CCSER1: variants seen among roughly 807,000 people sequenced by gnomAD.
CCSER1 encodes the protein coiled-coil serine rich protein 1, also known as serine-rich coiled-coil domain-containing protein 1.
Under a neutral mutation model 82.0 loss-of-function variants are expected in CCSER1, and 41 were observed. That is an observed-to-expected ratio of 0.50 (90% CI 0.39 to 0.65). The LOEUF (loss-of-function observed/expected upper bound fraction) is 0.65, where lower values mean the gene tolerates loss of function less well. Ranked by LOEUF, CCSER1 falls within the 30% of genes least tolerant of loss-of-function variation. CCSER1 has a pLI of 0.00. For synonymous variants in CCSER1, 414 were observed against 383.9 expected (o/e 1.08, Z -0.92); for missense variants, 1,119 against 1,064.2 (o/e 1.05, Z -0.72).
chr4:90,245,033 G>C (rs1203557483), intron 1 of CCSER1, among the ~76,000 whole-genome samples: 1 of 152,028 alleles, frequency 6.6e-6, no homozygotes, highest in African/African-American at 2.4e-5. Context: ...TTCATGTAAG[G>C]TTTTTATGAG....
chr4:90,780,683 C>A, intron 7 of CCSER1: 1 of 1,323,930 alleles, frequency 7.6e-7, no homozygotes, highest in Non-Finnish European at 9.6e-7. Context: ...TAAGGAGGCT[C>A]TGTAAGCAAG....
At chr4:90,819,117 G>C (rs151211702) in intron 8 of CCSER1, among the ~76,000 whole-genome samples, 1 of 152,018 alleles carries the variant, frequency 6.6e-6, no homozygotes, top group Non-Finnish European at 1.5e-5. Flanking sequence ...CCATCTTTTC[G>C]GTATGTGCTC....
At chr4:91,506,954 C>T (rs1759527787) in intron 10 of CCSER1, among the ~76,000 whole-genome samples, 1 of 152,154 alleles carries the variant, frequency 6.6e-6, no homozygotes, top group East Asian at 1.9e-4. Context: ...CATATTGTAG[C>T]ATGTATCAAT....
intron 5 of CCSER1, among the ~76,000 whole-genome samples, chr4:90,501,049 T>G (rs1273012226): frequency 6.6e-6 from 1 of 152,086 alleles, no homozygotes. Flanking sequence ...GTGTTTTCAC[T>G]CTTGTCATTT....
chr4:90,288,849 A>G (rs1730404924), intron 1 of CCSER1, among the ~76,000 whole-genome samples: 1 of 151,990 alleles, frequency 6.6e-6, no homozygotes, highest in Non-Finnish European at 1.5e-5. Context: ...TTATGAATTC[A>G]GATTCACTTG....
At chr4:90,668,990 T>C (rs533840415) in intron 6 of CCSER1, among the ~76,000 whole-genome samples, 2 of 152,110 alleles carry the variant, frequency 1.3e-5, no homozygotes, top group South Asian at 4.1e-4. Flanking sequence ...ATAAGAGAAA[T>C]GCAAAGCAAA....
intron 1 of CCSER1, among the ~76,000 whole-genome samples, chr4:90,162,663 G>T (rs1162011567): frequency 6.6e-6 from 1 of 152,042 alleles, no homozygotes; most frequent in Non-Finnish European, 1.5e-5. Flanking sequence ...GACAAGAAGA[G>T]TCCAATGAGT....
chr4:91,327,379 CTGCACCT>C (rs1368399364), intron 10 of CCSER1, among the ~76,000 whole-genome samples: 11 of 152,216 alleles, frequency 7.2e-5, no homozygotes, highest in African/African-American at 2.7e-4. Context: ...ATGGTTGGAG[CTGCACCT>C]TGGTCCCTTT....
chr4:91,190,544 G>T (rs555391727), intron 10 of CCSER1, among the ~76,000 whole-genome samples: 38 of 152,172 alleles, frequency 2.5e-4, no homozygotes, highest in Non-Finnish European at 4.4e-4. Flanking sequence ...TTTCCACAAA[G>T]CCTGACTTTC....
intron 10 of CCSER1, among the ~76,000 whole-genome samples, chr4:91,474,810 TATACAC>T (rs1365748551): frequency 2.2e-3 from 149 of 67,714 alleles, no homozygotes; most frequent in African/African-American, 5.3e-3. Context: ...TATATATATA[TATACAC>T]ACACACACAC....
intron 1 of CCSER1, among the ~76,000 whole-genome samples, chr4:90,281,090 G>A (rs1728762428): frequency 6.6e-6 from 1 of 152,036 alleles, no homozygotes; most frequent in Non-Finnish European, 1.5e-5. Flanking sequence ...TTGTTGTAGT[G>A]TGGATGTTAA....
At chr4:90,437,113 C>G (rs10010893) in intron 4 of CCSER1, among the ~76,000 whole-genome samples, 1,586 of 152,106 alleles carry the variant, frequency 0.01, 21 homozygotes, top group African/African-American at 0.036. Flanking sequence ...GAGCCACCGC[C>G]CCCGGACGAG....
At chr4:90,986,066 C>T (rs900879596) in intron 9 of CCSER1, among the ~76,000 whole-genome samples, 6 of 151,654 alleles carry the variant, frequency 4.0e-5, no homozygotes, top group African/African-American at 1.2e-4. Context: ...TTTAGCTGAA[C>T]ATATAAAATG....
chr4:90,692,180 A>G (rs1736134173), intron 6 of CCSER1, among the ~76,000 whole-genome samples: 1 of 151,440 alleles, frequency 6.6e-6, no homozygotes, highest in African/African-American at 2.4e-5. Context: ...AATTACTTGA[A>G]ATATTAAGCA....
chr4:90,488,759 A>G (rs1243852868), intron 5 of CCSER1, among the ~76,000 whole-genome samples: 1 of 152,206 alleles, frequency 6.6e-6, no homozygotes, highest in Non-Finnish European at 1.5e-5. Flanking sequence ...CTGTCACTTC[A>G]ATTGTATATA....
chr4:91,460,452 G>A (rs772198329), intron 10 of CCSER1, among the ~76,000 whole-genome samples: 3 of 152,062 alleles, frequency 2.0e-5, no homozygotes, highest in Non-Finnish European at 4.4e-5. Context: ...TGGCTCTAAC[G>A]ATATGCCACA....
At chr4:90,935,433 C>G (rs1730808777) in intron 9 of CCSER1, among the ~76,000 whole-genome samples, 1 of 152,030 alleles carries the variant, frequency 6.6e-6, no homozygotes, top group Non-Finnish European at 1.5e-5. Flanking sequence ...CACCAGATGC[C>G]CAATCTTACA....
chr4:91,524,223 T>C (rs1760657142), intron 10 of CCSER1, among the ~76,000 whole-genome samples: 1 of 152,212 alleles, frequency 6.6e-6, no homozygotes, highest in Non-Finnish European at 1.5e-5. Flanking sequence ...AGTATTTCTG[T>C]GAAGGCCCTT....
At chr4:91,545,900 G>C (rs1031038995) in intron 10 of CCSER1, among the ~76,000 whole-genome samples, 1 of 152,268 alleles carries the variant, frequency 6.6e-6, no homozygotes, top group South Asian at 2.1e-4. Context: ...TTACCATTAA[G>C]TATGGTTTTA....
Sources: allele counts gnomAD v4.1 joint callset (sites outside exome capture counted in the v4.1 genomes callset), GRCh38; gene constraint gnomAD v4.1.1; transcripts MANE v1.5; gene names NCBI Gene and HGNC (gene_info 2026-07-23, HGNC 2026-07-21).